Variants in DPP6 observed in about 807,000 individuals in gnomAD.
DPP6 encodes dipeptidyl peptidase like 6.
DPP6 carries 69 observed loss-of-function variants against 122.6 expected under a neutral mutation model. That is an observed-to-expected ratio of 0.56 (90% confidence interval 0.46 to 0.69). The LOEUF (loss-of-function observed/expected upper bound fraction) is 0.69, where lower values mean the gene tolerates loss of function less well. Among genes scored for constraint, DPP6 ranks in the 30% least tolerant of loss-of-function variants. The pLI is 0.00. For missense variants in DPP6, 928 were observed against 1,116.9 expected, an observed-to-expected ratio of 0.83 and a Z score of 2.41; for synonymous variants, 418 against 433.1, an observed-to-expected ratio of 0.97 and a Z score of 0.43.
intron 1 of DPP6, among the ~76,000 whole-genome samples, chr7:154,298,650 G>A (rs1168841765): frequency 1.3e-5 from 2 of 152,184 alleles, no homozygotes; most frequent in African/African-American, 4.8e-5. Context: ...AGTGCCTGAA[G>A]CATGGGGTGA....
At chr7:154,460,018 G>A (rs1442389778) in intron 2 of DPP6, among the ~76,000 whole-genome samples, 1 of 101,660 alleles carries the variant, frequency 9.8e-6, no homozygotes. Flanking sequence ...GTCTCATTCT[G>A]TCATCCAGGC....
chr7:154,840,058 C>T (rs1055149340), intron 16 of DPP6, among the ~76,000 whole-genome samples: 2 of 152,102 alleles, frequency 1.3e-5, no homozygotes, highest in Non-Finnish European at 2.9e-5. Flanking sequence ...GGAACGACTT[C>T]CATTCAAAAA....
intron 1 of DPP6, among the ~76,000 whole-genome samples, chr7:153,932,274 C>T (rs559487527): frequency 9.0e-4 from 137 of 152,078 alleles, no homozygotes; most frequent in Non-Finnish European, 1.5e-3. Flanking sequence ...GCATGTGCCA[C>T]CACGCCTGGC....
intron 1 of DPP6, among the ~76,000 whole-genome samples, chr7:154,218,731 T>A (rs1465243516): frequency 6.6e-6 from 1 of 152,236 alleles, no homozygotes; most frequent in East Asian, 1.9e-4. Context: ...TTTCAGCTCA[T>A]CTGGAAGTGC....
At chr7:154,127,666 CACACACACACAA>C (rs1226283927) in intron 1 of DPP6, among the ~76,000 whole-genome samples, 212 of 141,982 alleles carry the variant, frequency 1.5e-3, no homozygotes, top group South Asian at 0.015. Context: ...CACACACACA[CACACACACACAA>C]AACAGCTCTT....
the DPP6 span, among the ~76,000 whole-genome samples, chr7:153,770,248 T>G: frequency 6.6e-6 from 1 of 151,960 alleles, no homozygotes; most frequent in Admixed American, 6.6e-5. Context: ...ATGGGAAAAC[T>G]CATCTATCCC....
chr7:154,567,254 A>G (rs1440053383), intron 5 of DPP6, among the ~76,000 whole-genome samples: 1 of 152,232 alleles, frequency 6.6e-6, no homozygotes, highest in Non-Finnish European at 1.5e-5. Context: ...ATTTTATCCT[A>G]AGAACAAAAA....
intron 1 of DPP6, among the ~76,000 whole-genome samples, chr7:154,438,112 C>T (rs576451543): frequency 1.2e-4 from 19 of 152,156 alleles, no homozygotes; most frequent in South Asian, 1.0e-3. Context: ...GCTGTACATT[C>T]GGCTTTTGTT....
chr7:154,420,294 C>T (rs1817362706), intron 1 of DPP6, among the ~76,000 whole-genome samples: 1 of 152,186 alleles, frequency 6.6e-6, no homozygotes, highest in Non-Finnish European at 1.5e-5. Flanking sequence ...CGAGATGGAG[C>T]CACTGCACTC....
intron 1 of DPP6, among the ~76,000 whole-genome samples, chr7:153,915,014 T>G (rs1052233275): frequency 5.3e-5 from 8 of 152,246 alleles, no homozygotes; most frequent in African/African-American, 1.9e-4. Flanking sequence ...AAGCTTTCCT[T>G]AAAGGGATTT....
intron 1 of DPP6, among the ~76,000 whole-genome samples, chr7:154,402,627 T>C (rs1586171170): frequency 1.4e-5 from 2 of 145,132 alleles, no homozygotes; most frequent in African/African-American, 2.6e-5. Context: ...AGGGATAGCA[T>C]TGGGAGATAT....
intron 1 of DPP6, among the ~76,000 whole-genome samples, chr7:154,211,337 A>G (rs1205503868): frequency 6.6e-6 from 1 of 152,154 alleles, no homozygotes; most frequent in Non-Finnish European, 1.5e-5. Context: ...GCATAGGTTC[A>G]TGAGGAGGAA....
At chr7:154,513,995 C>T (rs1187159061) in intron 3 of DPP6, among the ~76,000 whole-genome samples, 1 of 152,186 alleles carries the variant, frequency 6.6e-6, no homozygotes, top group Non-Finnish European at 1.5e-5. Flanking sequence ...GGTTAGAGGG[C>T]TGGGCACGGT....
At chr7:154,050,696 A>G (rs897593345), upstream of DPP6, among the ~76,000 whole-genome samples, 2 of 151,146 alleles carry the variant, frequency 1.3e-5, no homozygotes, top group Non-Finnish European at 2.9e-5. Context: ...GAGCAGCTGA[A>G]GCTCTCCCCA....
intron 1 of DPP6, among the ~76,000 whole-genome samples, chr7:153,965,214 A>G (rs111296081): frequency 0.02 from 3,031 of 152,052 alleles, 36 homozygotes; most frequent in Non-Finnish European, 0.034. Context: ...TCGAGAGCAT[A>G]TGCTTGTTAA....
At position 154,073,428 on chromosome 7, in the gene DPP6, G is replaced by A. The variant is rs569214202; in HGVS notation, c.243+20365G>A. Among the ~76,000 whole-genome samples the A allele has an allele frequency of 6.3e-4, 96 of 152,330 alleles. No homozygotes were observed. In the East Asian group the frequency reaches 0.016, roughly 26 times the overall value. On this transcript the variant is annotated intron_variant, in intron 1 of 25. Transcript: ENST00000377770. ...CTCCTTTGCTCCTCTCCGTGGCTCT[G>A]GCTCCTGTTCCGCAGCCCCTGGACC...
At position 154,663,658 on chromosome 7, in the gene DPP6, A is replaced by G. The variant is rs572485507; in HGVS notation, c.681-5702A>G. ...GGTGAATCACCATGGCATATTGGCCATAGCGTTCATATAGTCATGGTGAAT... is the reference window on the plus strand; with the variant it reads ...GGTGAATCACCATGGCATATTGGCCGTAGCGTTCATATAGTCATGGTGAAT... On this transcript the variant is annotated intron_variant, in intron 6 of 25. Transcript: ENST00000377770. Among the ~76,000 whole-genome samples the G allele has an allele frequency of 2.1e-4, 9 of 42,712 alleles. 1 individual carries two copies. The highest frequency in any genetic ancestry group is 3.6e-4 in the African/African-American group (8 of 22,382). 28.0% of individuals were successfully genotyped at this position (42,712 alleles called of 152,430 possible).
chr7:154,392,721 T>C (rs1230562226), intron 1 of DPP6, among the ~76,000 whole-genome samples: 1 of 152,242 alleles, frequency 6.6e-6, no homozygotes, highest in Non-Finnish European at 1.5e-5. Flanking sequence ...GGGTAATTGA[T>C]GTCTTACTGT....
chr7:154,509,792 G>A (rs1021313028), intron 3 of DPP6, among the ~76,000 whole-genome samples: 2 of 152,128 alleles, frequency 1.3e-5, no homozygotes, highest in African/African-American at 4.8e-5. Context: ...CCTGCTACAT[G>A]CTACGTACTG....
Sources: gnomAD v4.1 joint callset for allele counts (sites outside exome capture counted in the v4.1 genomes callset) on GRCh38, gnomAD v4.1.1 for gene constraint, MANE v1.5 for transcripts, NCBI Gene and HGNC (gene_info 2026-07-23, HGNC 2026-07-21) for gene names.